TMEM131L: variants seen among roughly 807,000 people sequenced by gnomAD.
The protein encoded by TMEM131L is transmembrane 131 like.
A neutral mutation model predicts 192.2 loss-of-function variants in TMEM131L; 54 were observed. The ratio of observed to expected loss-of-function variants is 0.28; its 90% confidence interval spans 0.23 to 0.35. TMEM131L has a LOEUF of 0.35. Among genes scored for constraint, TMEM131L ranks in the 10% least tolerant of loss-of-function variants. The pLI is 1.00. For missense variants in TMEM131L, 1,888 were observed against 1,972.9 expected (o/e 0.96, Z 0.82); for synonymous variants, 701 against 704.9 (o/e 0.99, Z 0.09).
chr4:153,582,937 G>A (rs1454446984), intron 9 of TMEM131L, among the ~76,000 whole-genome samples: 1 of 151,720 alleles, frequency 6.6e-6, no homozygotes, highest in African/African-American at 2.4e-5. Flanking sequence ...TTTGCTCCTG[G>A]TAGTTCCTCA....
At chr4:153,504,763 T>C (rs1733874020) in intron 3 of TMEM131L, among the ~76,000 whole-genome samples, 1 of 152,226 alleles carries the variant, frequency 6.6e-6, no homozygotes, top group African/African-American at 2.4e-5. Flanking sequence ...ACTTTTCCCA[T>C]AAACGAATGA....
intron 2 of TMEM131L, among the ~76,000 whole-genome samples, chr4:153,472,221 TA>T (rs1432753903): frequency 2.6e-5 from 4 of 152,284 alleles, no homozygotes; most frequent in African/African-American, 9.6e-5. Context: ...TGGCTCAAGG[TA>T]ATAAGAAAGT....
intron 33 of TMEM131L, among the ~76,000 whole-genome samples, chr4:153,634,943 A>G (rs77984353): frequency 0.011 from 1,668 of 152,292 alleles, 18 homozygotes; most frequent in Non-Finnish European, 0.016. Flanking sequence ...CATGCTAACC[A>G]CAAGGGGGTG....
intron 3 of TMEM131L, among the ~76,000 whole-genome samples, chr4:153,502,236 G>A (rs1485937790): frequency 1.3e-5 from 2 of 152,128 alleles, no homozygotes; most frequent in East Asian, 1.9e-4. Flanking sequence ...GAACCACCGC[G>A]GCTGTCCCAA....
intron 3 of TMEM131L, among the ~76,000 whole-genome samples, chr4:153,503,784 CT>C (rs1272372104): frequency 3.3e-5 from 5 of 152,186 alleles, no homozygotes; most frequent in Admixed American, 2.6e-4. Flanking sequence ...TATAAAAGTA[CT>C]CTAAAAGTGA....
intron 3 of TMEM131L, among the ~76,000 whole-genome samples, chr4:153,546,709 C>T (rs1273098004): frequency 6.6e-6 from 1 of 152,198 alleles, no homozygotes; most frequent in Non-Finnish European, 1.5e-5. Flanking sequence ...GGGCAGATCA[C>T]CTGAGGTCAG....
At chr4:153,500,753 G>A (rs1733546361) in intron 3 of TMEM131L, among the ~76,000 whole-genome samples, 1 of 152,134 alleles carries the variant, frequency 6.6e-6, no homozygotes, top group Non-Finnish European at 1.5e-5. Flanking sequence ...TTATCTGGAT[G>A]ATTTAGAACT....
intron 3 of TMEM131L, among the ~76,000 whole-genome samples, chr4:153,547,670 GT>G (rs1388401511): frequency 2.0e-5 from 3 of 152,240 alleles, no homozygotes; most frequent in African/African-American, 7.2e-5. Flanking sequence ...GGGCTGGAAG[GT>G]GATGGCCATA....
intron 2 of TMEM131L, among the ~76,000 whole-genome samples, chr4:153,471,042 C>T (rs1241958119): frequency 6.6e-6 from 1 of 150,700 alleles, no homozygotes; most frequent in Non-Finnish European, 1.5e-5. Context: ...GGCTGGAGTG[C>T]AATGATGTAA....
At chr4:153,616,959 G>T (rs547753175) in intron 26 of TMEM131L, among the ~76,000 whole-genome samples, 13 of 152,188 alleles carry the variant, frequency 8.5e-5, no homozygotes, top group Middle Eastern at 3.4e-3. Context: ...TCTTACCTGT[G>T]TACCTGGTAA....
At chr4:153,590,067 T>A (rs149615598) in intron 16 of TMEM131L, among the ~76,000 whole-genome samples, 1 of 152,360 alleles carries the variant, frequency 6.6e-6, no homozygotes, top group Non-Finnish European at 1.5e-5. Context: ...TGTTAAAATT[T>A]TCCCTAGTTG....
At chr4:153,516,127 G>A (rs1734714286) in intron 3 of TMEM131L, among the ~76,000 whole-genome samples, 1 of 152,042 alleles carries the variant, frequency 6.6e-6, no homozygotes, top group African/African-American at 2.4e-5. Context: ...TTTTAAATGA[G>A]ATTAAATGAC....
chr4:153,487,131 C>G (rs1732396751), intron 3 of TMEM131L, among the ~76,000 whole-genome samples: 1 of 152,300 alleles, frequency 6.6e-6, no homozygotes, highest in African/African-American at 2.4e-5. Context: ...GATGCACGCT[C>G]AAGTTTGAAA....
chr4:153,509,703 C>T (rs566510487), intron 3 of TMEM131L, among the ~76,000 whole-genome samples: 1 of 152,216 alleles, frequency 6.6e-6, no homozygotes. Flanking sequence ...GGCGACAGAG[C>T]GAGACTCTGT....
chr4:153,569,370 C>T (rs1233096646), intron 7 of TMEM131L, among the ~76,000 whole-genome samples: 2 of 152,164 alleles, frequency 1.3e-5, no homozygotes, highest in Admixed American at 1.3e-4. Flanking sequence ...TGCCCCTAGA[C>T]AGCTTTGAGA....
rs536737580 is a variant in TMEM131L at position 153,525,414 on chromosome 4, A to G, written c.240-24659A>G. ...GAGTGCAGTGGCGCTATCTCGGCTC[A>G]CTGCAACCTCTGCCTCCAAGGTTCA... is the stretch of plus-strand genomic sequence containing the variant. On this transcript the variant is annotated intron_variant, in intron 3 of 34. Transcript: ENST00000409959. Among the ~76,000 whole-genome samples, 104 of 152,084 alleles carry G rather than the reference A, an allele frequency of 6.8e-4. No individual in the cohort carries two copies. In the South Asian group the frequency reaches 0.02, roughly 29 times the overall value.
chr4:153,594,284 C>A (rs1731276570), intron 19 of TMEM131L, among the ~76,000 whole-genome samples: 1 of 152,156 alleles, frequency 6.6e-6, no homozygotes, highest in African/African-American at 2.4e-5. Context: ...TAGCAAGTCA[C>A]CCAATTTCTG....
intron 3 of TMEM131L, among the ~76,000 whole-genome samples, chr4:153,529,350 A>G (rs1333314357): frequency 6.6e-6 from 1 of 152,218 alleles, no homozygotes; most frequent in Non-Finnish European, 1.5e-5. Context: ...TAAAATTTCC[A>G]CTAAAATTGG....
chr4:153,601,585 T>C (rs1731842398), intron 21 of TMEM131L, among the ~76,000 whole-genome samples: 1 of 152,220 alleles, frequency 6.6e-6, no homozygotes, highest in Non-Finnish European at 1.5e-5. Flanking sequence ...TGGGATAGAT[T>C]GTGTGTTATA....
Sources: allele counts gnomAD v4.1 joint callset (sites outside exome capture counted in the v4.1 genomes callset), GRCh38; gene constraint gnomAD v4.1.1; transcripts MANE v1.5; gene names NCBI Gene and HGNC (gene_info 2026-07-23, HGNC 2026-07-21).